MCTP2: variants seen among roughly 807,000 people sequenced by gnomAD.
The protein encoded by MCTP2 is multiple C2 and transmembrane domain-containing protein 2.
In MCTP2, 132 loss-of-function variants were observed where a neutral mutation model predicts 111.6. The ratio of observed to expected loss-of-function variants is 1.18; its 90% CI spans 1.03 to 1.37. The LOEUF is 1.37. MCTP2 is among the 40% of genes most tolerant of loss of function. The pLI, the probability that MCTP2 is intolerant of heterozygous loss-of-function variation, is 0.00. For missense variants in MCTP2, 1,183 were observed against 1,067.9 expected (o/e 1.11, Z -1.50); for synonymous variants, 395 against 387.7 (o/e 1.02, Z -0.22).
At position 94,425,561 on chromosome 15, in the gene MCTP2, AAAG is replaced by A. The variant is rs549289300; in HGVS notation, c.2086-14612_2086-14610del. 2.6e-3 allele frequency among the ~76,000 whole-genome samples: 401 copies of A among 152,302 alleles called. 2 individuals carry two copies. Among genetic ancestry groups the A allele is most frequent in the Middle Eastern group, 6.8e-3 (2 of 294 alleles). ...CAAGTTGATTAGCAGGAGTAAAAAA[AAAG>A]AACAAAAATCATGAGTAAAATCAAA... On this transcript the variant is annotated intron_variant, in intron 17 of 22. Coordinates refer to ENST00000357742, the MANE Select transcript of MCTP2 (RefSeq NM_001385001.1).
At chr15:94,248,226 G>A (rs2072155438) in intron 1 of MCTP2, among the ~76,000 whole-genome samples, 1 of 152,006 alleles carries the variant, frequency 6.6e-6, no homozygotes, top group African/African-American at 2.4e-5. Flanking sequence ...ACTAATAACA[G>A]CCTTGAATAA....
At chr15:94,397,636 CAG>C (rs1171261314) in intron 14 of MCTP2, among the ~76,000 whole-genome samples, 2 of 152,180 alleles carry the variant, frequency 1.3e-5, no homozygotes, top group Admixed American at 6.5e-5. Context: ...CCTATTCAAT[CAG>C]AGAGAGGTGG....
At chr15:94,379,812 A>T in intron 12 of MCTP2, among the ~76,000 whole-genome samples, 1 of 144,470 alleles carries the variant, frequency 6.9e-6, no homozygotes. Flanking sequence ...ATATAATTAT[A>T]TGACATAATT....
chr15:94,399,591 A>G, intron 15 of MCTP2: 2 of 203,858 alleles, frequency 9.8e-6, no homozygotes, highest in Non-Finnish European at 2.0e-5. Context: ...TTAACTCAAA[A>G]GGATTTCAGA....
At chr15:94,456,718 A>G (rs1166678062) in intron 19 of MCTP2, among the ~76,000 whole-genome samples, 1 of 152,246 alleles carries the variant, frequency 6.6e-6, no homozygotes, top group Non-Finnish European at 1.5e-5. Context: ...TTCCTTCTGC[A>G]CAGAATGAAT....
chr15:94,433,108 C>G (rs2083281123), intron 17 of MCTP2, among the ~76,000 whole-genome samples: 1 of 142,688 alleles, frequency 7.0e-6, no homozygotes, highest in South Asian at 2.3e-4. Context: ...GTTCAAGTGT[C>G]TATGGCAATG....
At chr15:94,408,407 T>C (rs2082002372) in intron 17 of MCTP2, among the ~76,000 whole-genome samples, 1 of 152,212 alleles carries the variant, frequency 6.6e-6, no homozygotes. Flanking sequence ...GCTTAAAATA[T>C]TTGGCATCTT....
intron 1 of MCTP2, among the ~76,000 whole-genome samples, chr15:94,243,967 ACAT>A (rs2071420570): frequency 2.0e-5 from 3 of 147,260 alleles, no homozygotes; most frequent in Non-Finnish European, 4.5e-5. Context: ...ATTTACACAC[ACAT>A]ATGTATACAC....
chr15:94,339,192 A>G, intron 4 of MCTP2, 98 bp from the exon 5 acceptor site: 3 of 857,008 alleles, frequency 3.5e-6, no homozygotes, highest in Non-Finnish European at 3.5e-6. Flanking sequence ...GCAGGGAGAC[A>G]TTAGCCTGGG....
intron 2 of MCTP2, among the ~76,000 whole-genome samples, chr15:94,299,918 A>C (rs1239159552): frequency 6.6e-6 from 1 of 152,218 alleles, no homozygotes; most frequent in Non-Finnish European, 1.5e-5. Flanking sequence ...AATGACTTTA[A>C]CTATTTTTTT....
chr15:94,333,581 A>G (rs1305469136), intron 4 of MCTP2, among the ~76,000 whole-genome samples: 3 of 152,206 alleles, frequency 2.0e-5, no homozygotes, highest in Non-Finnish European at 4.4e-5. Context: ...GGTACCAGCC[A>G]TGTTCTTCAA....
chr15:94,457,395 A>T (rs2152525518), intron 19 of MCTP2, among the ~76,000 whole-genome samples: 1 of 152,344 alleles, frequency 6.6e-6, no homozygotes, highest in African/African-American at 2.4e-5. Context: ...CAAAGTAAGG[A>T]TAATATTTTT....
Position 94,446,871 on chromosome 15 carries a change from A to G in MCTP2, c.2250+3911A>G, listed in dbSNP as rs1308475374. 2.0e-5 allele frequency among the ~76,000 whole-genome samples: 3 copies of G among 152,220 alleles called. No homozygotes were observed. In the South Asian group the frequency reaches 6.2e-4, roughly 31 times the overall value. ...CCTGACAGTGTTTATGAAAAACAAT[A>G]TGACCCTTTTATATCAGTTGTAGAT... On this transcript the variant is annotated intron_variant, in intron 19 of 22. Coordinates refer to ENST00000357742, the MANE Select transcript of MCTP2 (RefSeq NM_001385001.1).
At chr15:94,447,331 C>T (rs779959509) in intron 19 of MCTP2, among the ~76,000 whole-genome samples, 5 of 152,128 alleles carry the variant, frequency 3.3e-5, no homozygotes, top group Non-Finnish European at 7.3e-5. Context: ...AGGAGGTCTT[C>T]TTAACAATCT....
At position 94,447,578 on chromosome 15, in the gene MCTP2, C is replaced by T. The variant is rs919762940; in HGVS notation, c.2250+4618C>T. ...CTGCATTAGAGATAGGGTTTTACCA[C>T]GTCGGCCAGGCTGGTCTGAAACTCC... On this transcript the variant is annotated intron_variant, in intron 19 of 22. Transcript: ENST00000357742. Among the ~76,000 whole-genome samples, 42 of 152,116 alleles carry T rather than the reference C, an allele frequency of 2.8e-4. 1 individual carries two copies. Among genetic ancestry groups the T allele is most frequent in the Non-Finnish European group, 8.8e-5 (6 of 68,006 alleles).
At position 94,470,307 on chromosome 15, in the gene MCTP2, ATTATAT is replaced by A. The variant is rs1394903683; in HGVS notation, c.2361-21_2361-16del. ...TGGCAGTTGTTGAACATCAGAGGAA[ATTATAT>A]TTATGTGGTTTGTCTACAGCACATT... is the stretch of plus-strand genomic sequence containing the variant. On this transcript the variant is annotated intron_variant, in intron 20 of 22. Transcript: ENST00000357742. The A allele has an allele frequency of 6.8e-7, 1 of 1,470,346 alleles. No homozygotes were observed. Among genetic ancestry groups the A allele is most frequent in the Non-Finnish European group, 9.5e-7 (1 of 1,049,970 alleles). 91.1% of individuals were successfully genotyped at this position (1,470,346 alleles called of 1,614,324 possible).
At chr15:94,338,333 C>T (rs1391755881) in intron 4 of MCTP2, among the ~76,000 whole-genome samples, 3 of 152,138 alleles carry the variant, frequency 2.0e-5, no homozygotes, top group Non-Finnish European at 4.4e-5. Context: ...AGCTGGCCTT[C>T]GTTTATCTCC....
intron 1 of MCTP2, among the ~76,000 whole-genome samples, chr15:94,232,657 A>G (rs1567233176): frequency 6.6e-6 from 1 of 152,164 alleles, no homozygotes; most frequent in Admixed American, 6.5e-5. Flanking sequence ...ATATTAATAC[A>G]AAGGGGAATC....
At chr15:94,409,188 G>A (rs1220088436) in intron 17 of MCTP2, among the ~76,000 whole-genome samples, 1 of 152,100 alleles carries the variant, frequency 6.6e-6, no homozygotes, top group African/African-American at 2.4e-5. Context: ...TAGAATATAA[G>A]CAGGCAGAAA....
Sources: allele counts gnomAD v4.1 joint callset (sites outside exome capture counted in the v4.1 genomes callset), GRCh38; gene constraint gnomAD v4.1.1; transcripts MANE v1.5; gene names NCBI Gene and HGNC (gene_info 2026-07-23, HGNC 2026-07-21).